The following THSD7A variants were observed in gnomAD, a reference collection of about 807,000 sequenced individuals.
THSD7A encodes thrombospondin type-1 domain-containing protein 7A.
A neutral mutation model predicts 231.3 loss-of-function variants in THSD7A; 96 were observed. The ratio of observed to expected loss-of-function variants is 0.41; its 90% CI spans 0.35 to 0.49. The LOEUF (loss-of-function observed/expected upper bound fraction) is 0.49, where lower values mean the gene tolerates loss of function less well. Ranked by LOEUF, THSD7A falls within the 20% of genes least tolerant of loss-of-function variation. The pLI, the probability that THSD7A is intolerant of heterozygous loss-of-function variation, is 0.05. For synonymous variants in THSD7A, 940 were observed against 743.3 expected (o/e 1.26, Z -4.30); for missense variants, 2,290 against 2,070.2 (o/e 1.11, Z -2.06).
At chr7:11,557,620 A>T (rs1307954285) in intron 4 of THSD7A, among the ~76,000 whole-genome samples, 1 of 152,076 alleles carries the variant, frequency 6.6e-6, no homozygotes, top group Non-Finnish European at 1.5e-5. Context: ...CCTGCTCCAG[A>T]ATGGCAAAAG....
At chr7:11,657,642 C>T (rs1395118771) in intron 1 of THSD7A, among the ~76,000 whole-genome samples, 1 of 151,814 alleles carries the variant, frequency 6.6e-6, no homozygotes, top group Non-Finnish European at 1.5e-5. Context: ...ATTGTATCCT[C>T]TATTGTTCAC....
At chr7:11,598,993 C>G (rs1004214381) in intron 2 of THSD7A, among the ~76,000 whole-genome samples, 1 of 152,072 alleles carries the variant, frequency 6.6e-6, no homozygotes, top group Non-Finnish European at 1.5e-5. Context: ...GTGATTGACC[C>G]AGACTAACAA....
intron 11 of THSD7A, among the ~76,000 whole-genome samples, chr7:11,458,476 T>G (rs1285739153): frequency 6.6e-6 from 1 of 152,140 alleles, no homozygotes; most frequent in Non-Finnish European, 1.5e-5. Context: ...CTAAATATAT[T>G]TATGAATATA....
At chr7:11,436,748 CCAAAAGCT>C (rs1784646463) in intron 13 of THSD7A, among the ~76,000 whole-genome samples, 4 of 151,270 alleles carry the variant, frequency 2.6e-5, no homozygotes, top group Admixed American at 2.6e-4. Flanking sequence ...AACAAAAATG[CCAAAAGCT>C]TAAGATAGTT....
At chr7:11,429,156 C>A in intron 13 of THSD7A, 31 bp from the exon 14 acceptor site, 1 of 1,529,786 alleles carries the variant, frequency 6.5e-7, no homozygotes, top group African/African-American at 1.4e-5. Flanking sequence ...CAAGAATCAT[C>A]TCCTCCACCT....
At chr7:11,494,040 C>T (rs1343474037) in intron 6 of THSD7A, among the ~76,000 whole-genome samples, 3 of 151,906 alleles carry the variant, frequency 2.0e-5, no homozygotes, top group Admixed American at 6.6e-5. Context: ...TACAGATAAA[C>T]GTTAGTGGGA....
chr7:11,424,663 C>G (rs1784258846), intron 16 of THSD7A, 33 bp downstream of exon 16: 1 of 1,612,260 alleles, frequency 6.2e-7, no homozygotes, highest in Non-Finnish European at 8.5e-7. Flanking sequence ...AGTTTTGTGT[C>G]TTGCTTTTCT....
intron 6 of THSD7A, among the ~76,000 whole-genome samples, chr7:11,487,237 T>A (rs1339006494): frequency 6.6e-6 from 1 of 152,102 alleles, no homozygotes; most frequent in Non-Finnish European, 1.5e-5. Flanking sequence ...ATTATCAGGA[T>A]AAGAGACTAA....
chr7:11,392,560 G>A (rs1783024814), intron 23 of THSD7A, among the ~76,000 whole-genome samples: 1 of 152,118 alleles, frequency 6.6e-6, no homozygotes, highest in African/African-American at 2.4e-5. Context: ...AAAGGGGGCT[G>A]AAGCCAGGGA....
At chr7:11,438,895 C>T (rs567002513) in intron 13 of THSD7A, among the ~76,000 whole-genome samples, 2 of 152,048 alleles carry the variant, frequency 1.3e-5, no homozygotes, top group South Asian at 4.1e-4. Flanking sequence ...TCTAGATGAA[C>T]TGAAAAAGAC....
chr7:11,557,617 C>T (rs1337673375), intron 4 of THSD7A, among the ~76,000 whole-genome samples: 2 of 152,032 alleles, frequency 1.3e-5, no homozygotes, highest in African/African-American at 4.8e-5. Context: ...GACCCTGCTC[C>T]AGAATGGCAA....
chr7:11,785,440 A>G (rs1783760021), intron 1 of THSD7A, among the ~76,000 whole-genome samples: 1 of 152,054 alleles, frequency 6.6e-6, no homozygotes, highest in South Asian at 2.1e-4. Flanking sequence ...TGTGAACTCA[A>G]TCCTACTTTT....
chr7:11,498,862 G>C (rs941092875), intron 6 of THSD7A, among the ~76,000 whole-genome samples: 2 of 152,084 alleles, frequency 1.3e-5, no homozygotes, highest in Non-Finnish European at 2.9e-5. Flanking sequence ...GACTGAAGCA[G>C]GCCCCAAGCA....
intron 1 of THSD7A, among the ~76,000 whole-genome samples, chr7:11,666,431 T>G (rs1161422223): frequency 1.1e-5 from 1 of 88,866 alleles, no homozygotes; most frequent in Non-Finnish European, 2.4e-5. Context: ...ACTTGTGGCA[T>G]TATAGCACTC....
chr7:11,450,378 T>C (rs40244), intron 11 of THSD7A, among the ~76,000 whole-genome samples: 111,667 of 151,844 alleles, frequency 0.74, 41,187 homozygotes, highest in East Asian at 0.87. Flanking sequence ...ACTTTACACC[T>C]CTTATCTGAG....
At chr7:11,692,752 T>A (rs1350915511) in intron 1 of THSD7A, among the ~76,000 whole-genome samples, 4 of 151,600 alleles carry the variant, frequency 2.6e-5, no homozygotes, top group Admixed American at 1.3e-4. Context: ...AATTTTTCAA[T>A]ATAAAATTCT....
At chr7:11,662,339 T>C (rs1782958725) in intron 1 of THSD7A, among the ~76,000 whole-genome samples, 1 of 151,286 alleles carries the variant, frequency 6.6e-6, no homozygotes, top group Admixed American at 6.6e-5. Flanking sequence ...GATAAAAGTA[T>C]CAGTTCACCA....
rs201880632 is a variant in THSD7A at position 11,636,973 on chromosome 7, A to G, written c.191-12T>C. The G allele has an allele frequency of 5.1e-5, 81 of 1,588,976 alleles. No individual in the cohort carries two copies. The African/African-American group carries it at 1.0e-3, about 20-fold the overall frequency. On this transcript the variant is annotated splice_polypyrimidine_tract_variant and intron_variant, in intron 1 of 27. Transcript: ENST00000423059. The surrounding 1 kb of genome is among the most constrained non-coding windows in gnomAD (Gnocchi z 10.0). The stretch of plus-strand genomic sequence containing the variant: ...TCGGCCCCATGGACCTACAAAAATT[A>G]TAACACAAAAATTAGCAGTGCTACT...
At chr7:11,460,351 AAAACAAACAAAC>A (rs58099419) in intron 11 of THSD7A, among the ~76,000 whole-genome samples, 5 of 151,948 alleles carry the variant, frequency 3.3e-5, no homozygotes, top group African/African-American at 1.2e-4. Context: ...CCGTAATCTA[AAAACAAACAAAC>A]AAACAAACAA....
Sources: gnomAD v4.1 joint callset for allele counts (sites outside exome capture counted in the v4.1 genomes callset) on GRCh38, gnomAD v4.1.1 for gene constraint, Gnocchi (gnomAD v3.1) non-coding constraint, MANE v1.5 for transcripts, NCBI Gene and HGNC (gene_info 2026-07-23, HGNC 2026-07-21) for gene names.